The following CNOT10 variants were observed in gnomAD, a reference collection of about 807,000 sequenced individuals.
The protein encoded by CNOT10 is CCR4-NOT transcription complex, subunit 10.
Under a neutral mutation model 94.6 loss-of-function variants are expected in CNOT10, and 30 were observed. That is an observed-to-expected ratio of 0.32 (90% CI 0.24 to 0.43). The LOEUF (loss-of-function observed/expected upper bound fraction) is 0.43, where lower values mean the gene tolerates loss of function less well. Among genes scored for constraint, CNOT10 ranks in the 20% least tolerant of loss-of-function variants. The probability of loss-of-function intolerance (pLI) is 1.00; values close to 1 mark genes in which losing one functional copy is unlikely to be tolerated. For synonymous variants in CNOT10, 289 were observed against 301.6 expected, an observed-to-expected ratio of 0.96 and a Z score of 0.43; for missense variants, 759 against 877.2, an observed-to-expected ratio of 0.87 and a Z score of 1.70.
At chr3:32,773,394 TCTTG>T in intron 18 of CNOT10, 59 bp from the exon 19 acceptor site, 1 of 1,501,260 alleles carries the variant, frequency 6.7e-7, no homozygotes, top group Non-Finnish European at 9.0e-7. Context: ...GATTTTCATG[TCTTG>T]CTTTGTGTGT....
At chr3:32,711,698 A>G (rs1697896282) in intron 4 of CNOT10, among the ~76,000 whole-genome samples, 1 of 152,226 alleles carries the variant, frequency 6.6e-6, no homozygotes, top group Non-Finnish European at 1.5e-5. Flanking sequence ...AAGCATTCCC[A>G]CTGGAGGTAA....
chr3:32,771,207 G>C (rs1393367390), intron 18 of CNOT10, among the ~76,000 whole-genome samples: 1 of 151,974 alleles, frequency 6.6e-6, no homozygotes, highest in African/African-American at 2.4e-5. Context: ...TGCGCCTGTA[G>C]TTCCAGCTAC....
rs1698618999 is a variant in CNOT10 at position 32,725,343 on chromosome 3, A to G, written c.863-107A>G. The G allele has an allele frequency of 8.5e-6, 7 of 827,064 alleles. No individual in the cohort carries two copies. In the East Asian group the frequency reaches 1.7e-4, roughly 20 times the overall value. The allele number at this position is 827,064 out of a possible 1,614,324, so 51.2% of individuals were successfully genotyped here. A position where few individuals can be genotyped will look rare whatever the true frequency, so the allele number is the denominator to read the frequency against. ...CTTGTGAACTGTTCTTTAGGGAGTA[A>G]GTGGAATGGTAACAGTGTTAACTCG... is the stretch of plus-strand genomic sequence containing the variant. On this transcript the variant is annotated intron_variant, in intron 8 of 18. Transcript: ENST00000328834.
chr3:32,768,353 G>T (rs776859686), intron 17 of CNOT10, among the ~76,000 whole-genome samples: 155 of 152,036 alleles, frequency 1.0e-3, no homozygotes, highest in Non-Finnish European at 1.7e-3. Flanking sequence ...AGGCCAAGGC[G>T]GGTGGATCAT....
intron 17 of CNOT10, among the ~76,000 whole-genome samples, chr3:32,768,300 G>T (rs966344872): frequency 3.3e-5 from 5 of 152,024 alleles, no homozygotes; most frequent in Admixed American, 1.3e-4. Flanking sequence ...CCACAAAATG[G>T]GCCGGGCACA....
intron 1 of CNOT10, among the ~76,000 whole-genome samples, chr3:32,688,189 A>G (rs1696710146): frequency 6.6e-6 from 1 of 152,338 alleles, no homozygotes; most frequent in African/African-American, 2.4e-5. Context: ...GCCAGGTACT[A>G]CTTTAGGAAC....
rs771920826 is a variant in CNOT10 at position 32,733,521 on chromosome 3, G to T, written c.1314G>T (p.Gln438His). 1 of 1,593,108 alleles carries T rather than the reference G, an allele frequency of 6.3e-7. No individual in the cohort carries two copies. The highest frequency in any genetic ancestry group is 8.6e-7 in the Non-Finnish European group (1 of 1,163,614). Residue 438 changes from glutamine (Q) to histidine (H), a missense_variant, in exon 11 of 19, where the codon CAG becomes CAT. Physicochemically the swap from Gln to His is conservative, Grantham distance 24 (BLOSUM62 0). Coordinates refer to ENST00000328834, the MANE Select transcript of CNOT10 (RefSeq NM_015442.3). ...ATCGTAAAATAGTTTTGGCATCACA[G>T]TCTATACAGAATACTGTTTATAAGT... ...GYHRKIVLAS[Q>H]SIQNTVYNDG...
At chr3:32,767,011 AC>A (rs1700674090) in intron 17 of CNOT10, among the ~76,000 whole-genome samples, 1 of 152,250 alleles carries the variant, frequency 6.6e-6, no homozygotes, top group African/African-American at 2.4e-5. Flanking sequence ...AAGCAGACAT[AC>A]TACAATCTTG....
At chr3:32,692,173 G>C (rs942105982) in intron 1 of CNOT10, among the ~76,000 whole-genome samples, 1 of 152,080 alleles carries the variant, frequency 6.6e-6, no homozygotes, top group Non-Finnish European at 1.5e-5. Context: ...TCCAGCCTGG[G>C]CACCATGGTA....
chr3:32,773,825 A>G lies in CNOT10; in HGVS notation c.*214A>G. On this transcript the variant is annotated 3_prime_UTR_variant, in exon 19 of 19. Transcript: ENST00000328834. ...AATTTCAGCCAGACTATTAATTTTG[A>G]GCCATTATGTAATATATGCCATAGG... 2.0e-6 allele frequency: 1 copy of G among 500,370 alleles called. No individual in the cohort carries two copies. Among genetic ancestry groups the G allele is most frequent in the Non-Finnish European group, 3.5e-6 (1 of 288,784 alleles). 31.0% of individuals were successfully genotyped at this position (500,370 alleles called of 1,614,324 possible).
At chr3:32,737,554 G>T in intron 13 of CNOT10, 64 bp downstream of exon 13, 1 of 1,070,270 alleles carries the variant, frequency 9.3e-7, no homozygotes, top group Non-Finnish European at 1.4e-6. Flanking sequence ...GCTGGGCACA[G>T]TGGCTCATAC....
At chr3:32,727,442 TGAGAA>T (rs1698728230) in intron 9 of CNOT10, among the ~76,000 whole-genome samples, 1 of 152,102 alleles carries the variant, frequency 6.6e-6, no homozygotes, top group East Asian at 1.9e-4. Flanking sequence ...AGCTGGCAAA[TGAGAA>T]GAGACATCTC....
intron 13 of CNOT10, among the ~76,000 whole-genome samples, chr3:32,747,720 C>T (rs920264839): frequency 2.6e-5 from 4 of 151,970 alleles, no homozygotes; most frequent in East Asian, 1.9e-4. Context: ...GAGGCCGAGA[C>T]GGGCAGATCA....
intron 9 of CNOT10, among the ~76,000 whole-genome samples, chr3:32,726,916 G>A (rs1698698063): frequency 7.1e-6 from 1 of 139,980 alleles, no homozygotes; most frequent in Non-Finnish European, 1.5e-5. Flanking sequence ...GCGTGATCTT[G>A]GCTCACTGCA....
chr3:32,748,583 GCTC>G (rs1355538329), intron 13 of CNOT10, among the ~76,000 whole-genome samples: 1 of 152,028 alleles, frequency 6.6e-6, no homozygotes, highest in African/African-American at 2.4e-5. Context: ...CGCAGTCTTG[GCTC>G]ACTGCAACCC....
intron 1 of CNOT10, among the ~76,000 whole-genome samples, chr3:32,702,879 A>C (rs1186638928): frequency 6.6e-6 from 1 of 150,746 alleles, no homozygotes; most frequent in Admixed American, 6.6e-5. Context: ...GTAGCTTCTT[A>C]TTAGCTTATA....
chr3:32,701,750 T>C (rs1312702670), intron 1 of CNOT10, among the ~76,000 whole-genome samples: 1 of 152,190 alleles, frequency 6.6e-6, no homozygotes, highest in Non-Finnish European at 1.5e-5. Flanking sequence ...CATAAGCCAA[T>C]TAAACCTCAT....
chr3:32,740,769 G>C (rs2125591486), intron 13 of CNOT10, among the ~76,000 whole-genome samples: 1 of 151,964 alleles, frequency 6.6e-6, no homozygotes, highest in East Asian at 1.9e-4. Flanking sequence ...GGCTGAGCCA[G>C]GAGAATGGCG....
At chr3:32,720,797 CTT>C (rs1404723423) in intron 8 of CNOT10, among the ~76,000 whole-genome samples, 1 of 151,690 alleles carries the variant, frequency 6.6e-6, no homozygotes, top group East Asian at 2.0e-4. Flanking sequence ...GATAGCTTGT[CTT>C]TTTTCTTTAA....
Sources: gnomAD v4.1 joint callset for allele counts (sites outside exome capture counted in the v4.1 genomes callset) on GRCh38, gnomAD v4.1.1 for gene constraint, MANE v1.5 for transcripts, NCBI Gene and HGNC (gene_info 2026-07-23, HGNC 2026-07-21) for gene names.